Variants in CWF19L2 observed in about 807,000 individuals in gnomAD.
CWF19L2 encodes CWF19-like protein 2.
Under a neutral mutation model 111.7 loss-of-function variants are expected in CWF19L2, and 98 were observed. The observed-to-expected ratio is 0.88, with a 90% CI of 0.75 to 1.04. The LOEUF (loss-of-function observed/expected upper bound fraction) is 1.04. Among genes scored for constraint, CWF19L2 ranks in the 50% least tolerant of loss-of-function variants. The pLI is 0.00. For synonymous variants in CWF19L2, 351 were observed against 342.9 expected (o/e 1.02, Z -0.26); for missense variants, 1,101 against 1,051.4 (o/e 1.05, Z -0.65).
chr11:107,381,809 G>A (rs1040640794), intron 12 of CWF19L2, among the ~76,000 whole-genome samples: 1 of 151,714 alleles, frequency 6.6e-6, no homozygotes, highest in African/African-American at 2.4e-5. Flanking sequence ...CTACTTCCGG[G>A]GAAAATATAT....
intron 10 of CWF19L2, among the ~76,000 whole-genome samples, chr11:107,401,872 A>T (rs1861004597): frequency 6.6e-6 from 1 of 152,236 alleles, no homozygotes; most frequent in Non-Finnish European, 1.5e-5. Context: ...TGGTACTGGT[A>T]TAAAAATAGG....
chr11:107,355,500 A>T (rs1393630707), intron 12 of CWF19L2, among the ~76,000 whole-genome samples: 1 of 152,192 alleles, frequency 6.6e-6, no homozygotes, highest in Non-Finnish European at 1.5e-5. Flanking sequence ...AGCAATAAAA[A>T]GATGCTTGGA....
rs183422797 is a variant in CWF19L2 at position 107,329,956 on chromosome 11, T to A, written c.2503A>T (p.Ile835Phe). 265 of 1,593,244 alleles carry A rather than the reference T, an allele frequency of 1.7e-4. 1 individual carries two copies. In the East Asian group the frequency reaches 5.8e-3, roughly 35 times the overall value. Residue 835 changes from isoleucine to phenylalanine, a missense_variant, in exon 17 of 18, where the codon ATT (isoleucine) becomes TTT (phenylalanine). By Grantham distance (21) the Ile-to-Phe change is conservative. Coordinates refer to ENST00000282251, the MANE Select transcript of CWF19L2 (RefSeq NM_152434.3). ...TGAGGGAATTTGTGCTGATCTTCAA[T>A]GACATGGGCAAACCCTCCGTGAAGG... Reference protein sequence around the residue: ...FGLHGGFAHVIEDQHKFPHYF... With the variant: ...FGLHGGFAHVFEDQHKFPHYF...
intron 10 of CWF19L2, chr11:107,404,624 CT>C: frequency 1.9e-6 from 1 of 538,566 alleles, no homozygotes; most frequent in South Asian, 1.8e-5. Context: ...CTTCGCTTCC[CT>C]TTGTCCCACG....
intron 12 of CWF19L2, among the ~76,000 whole-genome samples, chr11:107,367,223 T>C (rs1472273820): frequency 7.5e-6 from 1 of 132,488 alleles, no homozygotes; most frequent in Non-Finnish European, 1.6e-5. Flanking sequence ...TTTTACACTG[T>C]TGGTGGGACT....
chr11:107,444,020 A>G lies in CWF19L2; in HGVS notation c.340-971T>C, dbSNP rs994547198. On this transcript the variant is annotated intron_variant, in intron 3 of 17. Coordinates refer to ENST00000282251, the MANE Select transcript of CWF19L2 (RefSeq NM_152434.3). ...TTCTGTTCCTCCAGGACCTTGCTCC[A>G]TCAATTATCTTCTCCTCTCACGGCA... Among the ~76,000 whole-genome samples the G allele has an allele frequency of 4.0e-5, 6 of 151,680 alleles. No individual in the cohort carries two copies. In the South Asian group the frequency reaches 1.2e-3, roughly 32 times the overall value.
At chr11:107,454,614 T>A (rs983047626) in intron 2 of CWF19L2, 42 bp from the exon 3 acceptor site, 3 of 1,242,510 alleles carry the variant, frequency 2.4e-6, no homozygotes, top group Admixed American at 3.9e-5. Context: ...TTTAATTTCA[T>A]CTTAATTTAA....
At chr11:107,378,625 A>T (rs1482823406) in intron 12 of CWF19L2, among the ~76,000 whole-genome samples, 1 of 151,020 alleles carries the variant, frequency 6.6e-6, no homozygotes, top group East Asian at 2.0e-4. Flanking sequence ...TGTGGGGTGG[A>T]GGGAGGAGGG....
At chr11:107,334,701 C>T (rs1280613290) in intron 16 of CWF19L2, among the ~76,000 whole-genome samples, 180 bp downstream of exon 16, 1 of 152,154 alleles carries the variant, frequency 6.6e-6, no homozygotes, top group Non-Finnish European at 1.5e-5. Context: ...AAATAAAAAC[C>T]CTCTACAAAC....
intron 1 of CWF19L2, 56 bp downstream of exon 1, chr11:107,457,656 G>A: frequency 1.5e-6 from 2 of 1,323,640 alleles, no homozygotes; most frequent in Non-Finnish European, 2.1e-6. Context: ...CTAGCTTACG[G>A]GAACCCTCAA....
chr11:107,443,578 T>C (rs1472610643), intron 3 of CWF19L2, among the ~76,000 whole-genome samples: 1 of 152,184 alleles, frequency 6.6e-6, no homozygotes. Context: ...CATCCATTTA[T>C]TATCAAGCCA....
intron 10 of CWF19L2, among the ~76,000 whole-genome samples, chr11:107,409,265 T>A (rs189928966): frequency 8.5e-4 from 129 of 152,196 alleles, no homozygotes; most frequent in African/African-American, 3.1e-3. Flanking sequence ...TTCAAATAAC[T>A]AGTCAAGTAC....
At chr11:107,385,993 C>G (rs1860759619) in intron 12 of CWF19L2, among the ~76,000 whole-genome samples, 1 of 152,112 alleles carries the variant, frequency 6.6e-6, no homozygotes, top group Non-Finnish European at 1.5e-5. Context: ...TAATCTCTTA[C>G]TATGTCTATC....
rs1405925159 is a variant in CWF19L2, at chr11:107,336,566, A to C, written c.2350T>G (p.Tyr784Asp). 5 of 1,600,788 alleles carry C rather than the reference A, an allele frequency of 3.1e-6. No homozygotes were observed. The highest frequency in any genetic ancestry group is 4.3e-6 in the Non-Finnish European group (5 of 1,175,578). Residue 784 changes from tyrosine (Y) to aspartate (D), a missense_variant, in exon 15 of 18, where the codon TAT becomes GAT. Transcript: ENST00000282251. ...PKEVGDMAPI[Y>D]FKKAIMESDE... Reference sequence around the variant, plus strand: ...AGACTACTTATAAACACCTTAAAATAGATGGGAGCCATGTCACCCACTTCC... The same window carrying C: ...AGACTACTTATAAACACCTTAAAATCGATGGGAGCCATGTCACCCACTTCC...
At chr11:107,347,227 C>A (rs1455377356) in intron 14 of CWF19L2, among the ~76,000 whole-genome samples, 1 of 152,122 alleles carries the variant, frequency 6.6e-6, no homozygotes, top group Non-Finnish European at 1.5e-5. Context: ...AATAGGAAGT[C>A]TAAAATTACA....
chr11:107,355,818 T>TTG (rs1442777237), intron 12 of CWF19L2, among the ~76,000 whole-genome samples: 1 of 152,294 alleles, frequency 6.6e-6, no homozygotes, highest in East Asian at 1.9e-4. Flanking sequence ...CTCTCTATAA[T>TTG]TGGTAGCACA....
At chr11:107,441,387 T>C in intron 5 of CWF19L2, 116 bp downstream of exon 5, 6 of 885,726 alleles carry the variant, frequency 6.8e-6, no homozygotes, top group Non-Finnish European at 9.5e-6. Flanking sequence ...ACTAATTGTA[T>C]TAAATACTAT....
At chr11:107,418,659 AGTT>A (rs1489851337) in intron 8 of CWF19L2, among the ~76,000 whole-genome samples, 9 of 152,330 alleles carry the variant, frequency 5.9e-5, no homozygotes, top group African/African-American at 1.9e-4. Flanking sequence ...ATTCGACATA[AGTT>A]GTTAATAATC....
intron 12 of CWF19L2, among the ~76,000 whole-genome samples, chr11:107,375,493 A>G (rs1478901400): frequency 0.011 from 1,493 of 137,424 alleles, 56 homozygotes; most frequent in African/African-American, 0.039. Context: ...AACTACATGG[A>G]AACTGAACAA....
Sources: allele counts gnomAD v4.1 joint callset (sites outside exome capture counted in the v4.1 genomes callset), GRCh38; gene constraint gnomAD v4.1.1; transcripts MANE v1.5; gene names NCBI Gene and HGNC (gene_info 2026-07-23, HGNC 2026-07-21).